MAST4: variants seen among roughly 807,000 people sequenced by gnomAD.
MAST4 encodes microtubule-associated serine/threonine-protein kinase 4.
In MAST4, 89 loss-of-function variants were observed where a neutral mutation model predicts 162.7. The ratio of observed to expected loss-of-function variants is 0.55; its 90% CI spans 0.46 to 0.65. The LOEUF is 0.65. MAST4 is among the 30% of genes least tolerant of loss of function. MAST4 has a pLI of 0.00. For missense variants in MAST4, 3,153 were observed against 3,374.0 expected, an observed-to-expected ratio of 0.93 and a Z score of 1.62; for synonymous variants, 1,479 against 1,361.1, an observed-to-expected ratio of 1.09 and a Z score of -1.91.
In MAST4 at chr5:67,100,514, A is replaced by G. The variant is rs1764913416; in HGVS notation, c.992A>G (p.His331Arg). 3 of 1,613,904 alleles carry G rather than the reference A, an allele frequency of 1.9e-6. No homozygotes were observed. The highest frequency in any genetic ancestry group is 1.7e-6 in the Non-Finnish European group (2 of 1,179,844). ...TPDELHFLSK[H>R]FCTTESIATE... ...GACGAGTTACACTTCTTATCAAAAC[A>G]TTTCTGTACCACCGAAAGCATCGCC... The change falls in exon 8 of 29, where the codon CAT (histidine) becomes CGT (arginine). Residue 331 changes from histidine to arginine, a missense_variant. This residue lies in a region of MAST4 where 360 missense variants were observed against 450.0 expected (regional missense o/e 0.80). Transcript: ENST00000403625.
At chr5:67,025,061 T>C (rs143348227) in intron 4 of MAST4, among the ~76,000 whole-genome samples, 1 of 152,214 alleles carries the variant, frequency 6.6e-6, no homozygotes, top group South Asian at 2.1e-4. Flanking sequence ...GATTCTCTCT[T>C]GCTTACCTGT....
At chr5:66,666,244 A>G (rs1481500622) in intron 1 of MAST4, among the ~76,000 whole-genome samples, 1 of 152,150 alleles carries the variant, frequency 6.6e-6, no homozygotes, top group African/African-American at 2.4e-5. Context: ...TTTATTCTGG[A>G]TGACTTGGAA....
At chr5:66,615,213 A>T (rs896937069) in intron 1 of MAST4, among the ~76,000 whole-genome samples, 6 of 152,120 alleles carry the variant, frequency 3.9e-5, no homozygotes, top group African/African-American at 1.4e-4. Flanking sequence ...GGGAGTCAAG[A>T]TTAGTGGGTC....
intron 1 of MAST4, among the ~76,000 whole-genome samples, chr5:66,620,047 CTTT>C (rs200969306): frequency 0.37 from 49,456 of 133,610 alleles, 8,584 homozygotes; most frequent in East Asian, 0.57. Flanking sequence ...ACTTAGGTTG[CTTT>C]TTTTTTTTTT....
At chr5:67,025,006 C>T (rs900028338) in intron 4 of MAST4, among the ~76,000 whole-genome samples, 9 of 152,170 alleles carry the variant, frequency 5.9e-5, no homozygotes, top group East Asian at 1.9e-4. Flanking sequence ...TTTCTGTTCA[C>T]GTTTCTGCCA....
intron 19 of MAST4, 40 bp downstream of exon 19, chr5:67,136,704 A>C: frequency 6.9e-7 from 1 of 1,458,894 alleles, no homozygotes; most frequent in Non-Finnish European, 9.4e-7. Context: ...ATATGCAAGA[A>C]ATAATGTCTA....
intron 1 of MAST4, among the ~76,000 whole-genome samples, chr5:66,746,756 CA>C (rs1752784136): frequency 1.3e-5 from 2 of 152,130 alleles, no homozygotes; most frequent in Admixed American, 6.5e-5. Context: ...ATAGATCAAA[CA>C]CCTAAATAAA....
chr5:67,089,610 T>G (rs1248860970), intron 5 of MAST4, among the ~76,000 whole-genome samples: 1 of 152,238 alleles, frequency 6.6e-6, no homozygotes, highest in Non-Finnish European at 1.5e-5. Flanking sequence ...AGGTCCAAAC[T>G]GCTGTGGTCT....
rs773772062 is a variant in MAST4 at position 67,164,800 on chromosome 5, C to G, written c.5621C>G (p.Pro1874Arg). 1 of 1,614,010 alleles carries G rather than the reference C, an allele frequency of 6.2e-7. No individual in the cohort carries two copies. The highest frequency in any genetic ancestry group is 1.1e-5 in the South Asian group (1 of 91,082). Residue 1874 changes from proline to arginine, a missense_variant, in exon 29 of 29, where the codon CCT becomes CGT. This residue lies in a region of MAST4 where 1,644 missense variants were observed against 1,495.0 expected (regional missense o/e 1.10). Coordinates refer to ENST00000403625, the MANE Select transcript of MAST4 (RefSeq NM_001164664.2). This position sits in a 1 kb window ranked among gnomAD's most constrained non-coding sequence, Gnocchi z 5.3. ...LKMNKSYLLEPWFLPPSRGLQ... is the reference protein window; with the variant it reads ...LKMNKSYLLERWFLPPSRGLQ... ...ATGAATAAATCCTACCTGCTGGAGC[C>G]TTGGTTCCTGCCCCCCAGCCGAGGT...
chr5:66,775,483 T>C (rs1001105509), intron 2 of MAST4, among the ~76,000 whole-genome samples: 3 of 152,194 alleles, frequency 2.0e-5, no homozygotes, highest in South Asian at 2.1e-4. Flanking sequence ...ATGGAAAGGA[T>C]GAATTCCAGC....
chr5:67,141,221 T>A (rs899386619), intron 19 of MAST4, among the ~76,000 whole-genome samples: 2 of 152,176 alleles, frequency 1.3e-5, no homozygotes, highest in Non-Finnish European at 2.9e-5. Context: ...AGCAGAGATC[T>A]TTTGGCAGGG....
intron 3 of MAST4, among the ~76,000 whole-genome samples, chr5:66,843,394 C>G (rs1328272274): frequency 6.6e-6 from 1 of 152,152 alleles, no homozygotes; most frequent in Non-Finnish European, 1.5e-5. Flanking sequence ...TACAAGTTAG[C>G]CTTCCTGAAC....
At position 67,165,382 on chromosome 5, in the gene MAST4, G is replaced by T. The variant is rs1487313521; in HGVS notation, c.6203G>T (p.Cys2068Phe). The T allele has an allele frequency of 6.2e-7, 1 of 1,613,812 alleles. No individual in the cohort carries two copies. The highest frequency in any genetic ancestry group is 2.2e-5 in the East Asian group (1 of 44,882). The change falls in exon 29 of 29, where the codon TGT becomes TTT. Residue 2068 changes from cysteine to phenylalanine, a missense_variant. Physicochemically the swap from Cys to Phe is radical, Grantham distance 205. Transcript: ENST00000403625. Reference protein sequence around the residue: ...NSSLHSAGIPCEKELGKVRRG... With the variant: ...NSSLHSAGIPFEKELGKVRRG... ...TCTCTGCACTCAGCTGGAATTCCCT[G>T]TGAGAAGGAGCTGGGCAAGGTGAGG...
At chr5:66,848,119 AATTTGCTTACT>A (rs1759021497) in intron 3 of MAST4, among the ~76,000 whole-genome samples, 1 of 152,096 alleles carries the variant, frequency 6.6e-6, no homozygotes, top group Non-Finnish European at 1.5e-5. Flanking sequence ...TTGGGGTTTT[AATTTGCTTACT>A]ATTTGCTTAA....
At chr5:67,088,480 C>T (rs1294339653) in intron 5 of MAST4, among the ~76,000 whole-genome samples, 1 of 152,026 alleles carries the variant, frequency 6.6e-6, no homozygotes, top group Non-Finnish European at 1.5e-5. Flanking sequence ...TAGATTATTT[C>T]CTTTAGGAAA....
At chr5:66,730,166 C>T (rs890056010) in intron 1 of MAST4, among the ~76,000 whole-genome samples, 2 of 152,176 alleles carry the variant, frequency 1.3e-5, no homozygotes, top group African/African-American at 4.8e-5. Context: ...CTTAGAATCT[C>T]ATTTGGATTG....
At chr5:66,645,925 G>T (rs1352700500) in intron 1 of MAST4, among the ~76,000 whole-genome samples, 1 of 151,224 alleles carries the variant, frequency 6.6e-6, no homozygotes, top group African/African-American at 2.4e-5. Context: ...TCCATCTTTG[G>T]TTTTAAAACA....
intron 19 of MAST4, among the ~76,000 whole-genome samples, chr5:67,137,492 A>G (rs1030357988): frequency 3.9e-5 from 6 of 152,182 alleles, no homozygotes; most frequent in Non-Finnish European, 4.4e-5. Context: ...GGGCTGTTTC[A>G]TTCTACCCCC....
In MAST4 at chr5:67,048,975, A is replaced by ATG. The variant is rs1214230880; in HGVS notation, c.675-5428_675-5427insGT. On this transcript the variant is annotated intron_variant, in intron 4 of 28. Transcript: ENST00000403625. ...TAGTGTGGTTATACATATAGCATAT[A>ATG]TATATATATATGTATATATATATAT... is the stretch of plus-strand genomic sequence containing the variant. Among the ~76,000 whole-genome samples the ATG allele has an allele frequency of 2.4e-5, 3 of 123,026 alleles. No homozygotes were observed. The Admixed American group carries it at 2.6e-4, about 11-fold the overall frequency. 80.7% of individuals were successfully genotyped at this position (123,026 alleles called of 152,430 possible). A position where few individuals can be genotyped will look rare whatever the true frequency, so the allele number is the denominator to read the frequency against.
Sources: gnomAD v4.1 joint callset for allele counts (sites outside exome capture counted in the v4.1 genomes callset) on GRCh38, gnomAD v4.1.1 for gene constraint, gnomAD v4.1.1 regional missense constraint, Gnocchi (gnomAD v3.1) non-coding constraint, MANE v1.5 for transcripts, NCBI Gene and HGNC (gene_info 2026-07-23, HGNC 2026-07-21) for gene names.